The following HRNR variants were observed in gnomAD, a reference collection of about 807,000 sequenced individuals.
The protein encoded by HRNR is filaggrin family member 3.
A neutral mutation model predicts 4.8 loss-of-function variants in HRNR; 7 were observed. That is an observed-to-expected ratio of 1.47 (90% CI 0.83 to 2.75). The LOEUF (loss-of-function observed/expected upper bound fraction) is 2.75. Ranked by LOEUF, HRNR falls within the 30% of genes most tolerant of loss-of-function variation. The pLI is 0.00. For synonymous variants in HRNR, 1,023 were observed against 1,242.7 expected, an observed-to-expected ratio of 0.82 and a Z score of 3.72; for missense variants, 2,879 against 3,010.4, an observed-to-expected ratio of 0.96 and a Z score of 1.02.
Position 152,220,573 on chromosome 1 carries a change from C to T in HRNR, c.1056G>A (p.Glu352=), listed in dbSNP as rs114845154. The T allele has an allele frequency of 2.2e-3, 3,592 of 1,608,208 alleles. 81 individuals carry two copies. The African/African-American group carries it at 0.044, about 19-fold the overall frequency. ...AGCCAGAGGACTGTCCTGAGCCAGA[C>T]TCATGTTGCCCAAAGCCAGAAGTCT... ...SGQTSGFGQH[E]SGSGQSSGYS... Residue 352 remains glutamate, a synonymous_variant, in exon 3 of 3, where the codon GAG becomes GAA. Transcript: ENST00000368801.
chr1:152,219,047 G>A lies in HRNR; in HGVS notation c.2582C>T (p.Ser861Leu), dbSNP rs746240460. Residue 861 changes from serine to leucine, a missense_variant, in exon 3 of 3, where the codon TCA becomes TTA. Physicochemically the swap from Ser to Leu is moderately radical, Grantham distance 145. Coordinates refer to ENST00000368801, the MANE Select transcript of HRNR (RefSeq NM_001009931.3). ...CTGACCATAGCTGGAAGATTGACCT[G>A]AGCTAGAGTCATGTTGGCCGGAGCT... ...SSSSGQHDSSSGQSSSYGQHE... is the reference protein window; with the variant it reads ...SSSSGQHDSSLGQSSSYGQHE... The A allele has an allele frequency of 6.2e-7, 1 of 1,613,800 alleles. No individual in the cohort carries two copies. Among genetic ancestry groups the A allele is most frequent in the African/African-American group, 1.3e-5 (1 of 74,802 alleles).
Position 152,218,636 on chromosome 1 carries a change from T to G in HRNR, c.2993A>C (p.Gln998Pro). 4 of 1,611,632 alleles carry G rather than the reference T, an allele frequency of 2.5e-6. No homozygotes were observed. ...AGACTGGCCAGATCCAGACCCATGT[T>G]GGCCGTGGCCCAAAGACTGACGGGA... The part of the protein sequence containing the change: ...SGSRQSLGHG[Q>P]HGSGSGQSPS... Residue 998 changes from glutamine to proline, a missense_variant, in exon 3 of 3, where the codon CAA becomes CCA. By Grantham distance (76) the Gln-to-Pro change is moderately conservative. Around this residue, in one of 8 missense-constraint regions of HRNR, gnomAD observed 2,646 missense variants for 1,377.7 expected, o/e 1.92. Transcript: ENST00000368801.
At position 152,218,425 on chromosome 1, in the gene HRNR, A is replaced by C. The variant is rs1464335014; in HGVS notation, c.3204T>G (p.Ser1068=). The C allele has an allele frequency of 6.2e-7, 1 of 1,613,604 alleles. No individual in the cohort carries two copies. Among genetic ancestry groups the C allele is most frequent in the Admixed American group, 1.7e-5 (1 of 60,004 alleles). ...CATGGGTAGAGGAATGACCTGAGCT[A>C]GATCCATGTTGACCGTAGCCAGAGG... ...GQSSGYGQHG[S]SSGHSSTHGQ... is the part of the protein sequence containing the mutation. Residue 1068 remains serine (S), a synonymous_variant, in exon 3 of 3, where the codon TCT becomes TCG. Coordinates refer to ENST00000368801, the MANE Select transcript of HRNR (RefSeq NM_001009931.3).
In HRNR at chr1:152,220,073, T is replaced by G. The variant is rs12145941; in HGVS notation, c.1556A>C (p.Gln519Pro). 0.07 allele frequency: 112,279 copies of G among 1,613,748 alleles called. 4,658 individuals are homozygous for G. Among genetic ancestry groups the G allele is most frequent in the Middle Eastern group, 0.12 (748 of 6,060 alleles). ...SSAGSSSSYG[Q>P]HGSGSRQSLG... Reference sequence around the variant, plus strand: ...AGATTGACGGGAGCCAGACCCATGCTGACCATAGCTGGAAGATGAACCTGC... The same window carrying G: ...AGATTGACGGGAGCCAGACCCATGCGGACCATAGCTGGAAGATGAACCTGC... Residue 519 changes from glutamine to proline, a missense_variant, in exon 3 of 3, where the codon CAG becomes CCG. Gln to Pro is a moderately conservative substitution (Grantham distance 76, BLOSUM62 -1). Coordinates refer to ENST00000368801, the MANE Select transcript of HRNR (RefSeq NM_001009931.3).
rs1364035353 is a variant in HRNR, at chr1:152,219,262, G to A, written c.2367C>T (p.Ser789=). The A allele has an allele frequency of 1.2e-6, 2 of 1,613,134 alleles. No individual in the cohort carries two copies. Among genetic ancestry groups the A allele is most frequent in the Admixed American group, 3.3e-5 (2 of 59,976 alleles). The part of the protein sequence containing the change: ...VRHGSSSGHS[S]SHGQHGSGTS... ...TGCCAGACCCGTGTTGGCCGTGGCT[G>A]GAGGAGTGCCCTGAACTGGACCCAT... The change falls in exon 3 of 3, where the codon TCC becomes TCT. Residue 789 remains serine (S), a synonymous_variant. Transcript: ENST00000368801.
rs763843827 is a variant in HRNR, at chr1:152,219,221, C to G, written c.2408G>C (p.Ser803Thr). Reference protein sequence around the residue: ...QHGSGTSCSSSCGHYESGSGQ... With the variant: ...QHGSGTSCSSTCGHYESGSGQ... ...TGAGCCAGACTCATAATGGCCACAG[C>G]TGGAAGAACAACTTGTGCCAGACCC... is the stretch of plus-strand genomic sequence containing the variant. Residue 803 changes from serine (S) to threonine (T), a missense_variant, in exon 3 of 3, where the codon AGC (serine) becomes ACC (threonine). Ser to Thr is a moderately conservative substitution (Grantham distance 58). This residue lies in a region of HRNR where 2,646 missense variants were observed against 1,377.7 expected (regional missense o/e 1.92). Coordinates refer to ENST00000368801, the MANE Select transcript of HRNR (RefSeq NM_001009931.3). 2 of 1,613,896 alleles carry G rather than the reference C, an allele frequency of 1.2e-6. No homozygotes were observed. Among genetic ancestry groups the G allele is most frequent in the Non-Finnish European group, 1.7e-6 (2 of 1,179,920 alleles).
rs374474639 is a variant in HRNR at position 152,220,748 on chromosome 1, A to T, written c.881T>A (p.Leu294Ter). ...GQHGSGSRQS[L>*]GHGRQGSGSR... is the part of the protein sequence containing the mutation. ...TCCAGACCCTTGTCGGCCGTGGCCC[A>T]AAGACTGACGGGAACCAGACCCATG... is the stretch of plus-strand genomic sequence containing the variant. Residue 294 changes from leucine (L) to a stop codon, truncating the protein, a stop_gained, in exon 3 of 3, where the codon TTG becomes TAG. Transcript: ENST00000368801. LOFTEE classifies it low-confidence loss of function (END_TRUNC). 1.2e-6 allele frequency: 2 copies of T among 1,612,824 alleles called. No homozygotes were observed. The highest frequency in any genetic ancestry group is 2.7e-5 in the African/African-American group (2 of 74,442).
At position 152,219,993 on chromosome 1, in the gene HRNR, C is replaced by T. The variant is rs760397969; in HGVS notation, c.1636G>A (p.Gly546Ser). 5.0e-6 allele frequency: 8 copies of T among 1,612,476 alleles called. No individual in the cohort carries two copies. Among genetic ancestry groups the T allele is most frequent in the Non-Finnish European group, 5.1e-6 (6 of 1,179,652 alleles). Residue 546 changes from glycine (G) to serine (S), a missense_variant, in exon 3 of 3, where the codon GGC becomes AGC. Coordinates refer to ENST00000368801, the MANE Select transcript of HRNR (RefSeq NM_001009931.3). ...TGCCTGGAACCAGACTCATGTCGGC[C>T]ACGGCTAGGGCTAGGAGACTGGCCA... The part of the protein sequence containing the change: ...GSGQSPSPSR[G>S]RHESGSRQSS...
At chr1:152,222,724 C>T (rs531053425) in intron 2 of HRNR, among the ~76,000 whole-genome samples, 2 of 152,238 alleles carry the variant, frequency 1.3e-5, no homozygotes, top group South Asian at 2.1e-4. Context: ...TATAAGGTCC[C>T]AAATATCTAA....
In HRNR at chr1:152,218,801, C is replaced by T. The variant is rs772262908; in HGVS notation, c.2828G>A (p.Gly943Asp). 6.2e-6 allele frequency: 10 copies of T among 1,613,464 alleles called. No individual in the cohort carries two copies. The South Asian group carries it at 7.7e-5, about 12-fold the overall frequency. The change falls in exon 3 of 3, where the codon GGT (glycine) becomes GAT (aspartate). Residue 943 changes from glycine to aspartate, a missense_variant. Coordinates refer to ENST00000368801, the MANE Select transcript of HRNR (RefSeq NM_001009931.3). ...GHKSSSGQSS[G>D]YTQHGSGSGH... The stretch of plus-strand genomic sequence containing the variant: ...TGAGCCAGATCCATGCTGAGTGTAA[C>T]CAGAGGACTGCCCTGAGCTAGACTT...
chr1:152,220,307 T>C lies in HRNR; in HGVS notation c.1322A>G (p.Gln441Arg), dbSNP rs747860789. The change falls in exon 3 of 3, where the codon CAA (glutamine) becomes CGA (arginine). Residue 441 changes from glutamine (Q) to arginine (R), a missense_variant. Gln to Arg is a conservative substitution (Grantham distance 43, BLOSUM62 1). This residue lies in a region of HRNR where 2,646 missense variants were observed against 1,377.7 expected (regional missense o/e 1.92). Transcript: ENST00000368801. The stretch of plus-strand genomic sequence containing the variant: ...AGATCGACCAAAGCCAGTCCCATGT[T>C]GGCCGGAGCTGGGAGACTGCCCTGA... ...SGSGQSPSSG[Q>R]HGTGFGRSSS... 1.2e-6 allele frequency: 2 copies of C among 1,613,984 alleles called. No individual in the cohort carries two copies. Among genetic ancestry groups the C allele is most frequent in the South Asian group, 1.1e-5 (1 of 91,074 alleles).
At position 152,220,263 on chromosome 1, in the gene HRNR, C is replaced by G. The variant is rs1220232022; in HGVS notation, c.1366G>C (p.Val456Leu). The change falls in exon 3 of 3, where the codon GTG becomes CTG. Residue 456 changes from valine (V) to leucine (L), a missense_variant. This residue lies in a region of HRNR where 2,646 missense variants were observed against 1,377.7 expected (regional missense o/e 1.92). Coordinates refer to ENST00000368801, the MANE Select transcript of HRNR (RefSeq NM_001009931.3). ...FGRSSSSGPYVSGSGYSSGFG... is the reference protein window; with the variant it reads ...FGRSSSSGPYLSGSGYSSGFG... ...CCAGAAGAGTAGCCTGAACCAGACA[C>G]ATATGGGCCACTGCTGGAAGATCGA... The G allele has an allele frequency of 8.7e-6, 14 of 1,614,036 alleles. No homozygotes were observed. Among genetic ancestry groups the G allele is most frequent in the Non-Finnish European group, 1.1e-5 (13 of 1,179,994 alleles).
Position 152,212,830 on chromosome 1 carries a change from C to T in HRNR, c.*246G>A. 1.8e-6 allele frequency: 1 copy of T among 567,032 alleles called. No homozygotes were observed. The highest frequency in any genetic ancestry group is 3.0e-6 in the Non-Finnish European group (1 of 328,962). 35.1% of individuals were successfully genotyped at this position (567,032 alleles called of 1,614,324 possible). The stretch of plus-strand genomic sequence containing the variant: ...TCATTATTCCTCAAAGTTTAACCCT[C>T]ATTCTAACAAGTTATTCCACTCAGT... On this transcript the variant is annotated 3_prime_UTR_variant, in exon 3 of 3. Transcript: ENST00000368801.
Position 152,219,355 on chromosome 1 carries a change from G to T in HRNR, c.2274C>A (p.Gly758=). 1 of 1,613,962 alleles carries T rather than the reference G, an allele frequency of 6.2e-7. No homozygotes were observed. Among genetic ancestry groups the T allele is most frequent in the South Asian group, 1.1e-5 (1 of 91,070 alleles). Residue 758 remains glycine (G), a synonymous_variant, in exon 3 of 3, where the codon GGC becomes GGA. Transcript: ENST00000368801. ...GGCCGTGGCCCGAAGATTGATGGGA[G>T]CCCGACCCATGCTGACCATAGCTGG... ...LSSSYGQHGS[G]SHQSSGHGRQ...
rs1312893145 is a variant in HRNR, at chr1:152,221,346, G to A, written c.283C>T (p.Gln95Ter). 3.7e-6 allele frequency: 6 copies of A among 1,613,824 alleles called. No individual in the cohort carries two copies. Among genetic ancestry groups the A allele is most frequent in the Non-Finnish European group, 5.1e-6 (6 of 1,180,030 alleles). ...TCTCTCAGCTTTGACCCTGAAACTT[G>A]GCAGTAATCTTTGCCAATGATTTTA... is the stretch of plus-strand genomic sequence containing the variant. ...RNKIIGKDYCQVSGSKLRDDT... is the reference protein window; with the variant it reads ...RNKIIGKDYC Residue 95 changes from glutamine to a stop codon, truncating the protein, a stop_gained, in exon 3 of 3, where the codon CAA becomes TAA. Transcript: ENST00000368801. LOFTEE classifies it low-confidence loss of function (END_TRUNC).
At chr1:152,222,952 C>A (rs4845427) in intron 2 of HRNR, among the ~76,000 whole-genome samples, 164 bp downstream of exon 2, 16,648 of 152,224 alleles carry the variant, frequency 0.11, 1,216 homozygotes, top group South Asian at 0.21. Context: ...CTATGGAAAC[C>A]ATCACGGATC....
At chr1:152,223,664 A>G (rs1221037032) in intron 1 of HRNR, among the ~76,000 whole-genome samples, 7 of 152,202 alleles carry the variant, frequency 4.6e-5, no homozygotes, top group Admixed American at 4.6e-4. Context: ...CATCATCTAC[A>G]TGACATGCCT....
chr1:152,220,297 A>T lies in HRNR; in HGVS notation c.1332T>A (p.Thr444=), dbSNP rs1437467548. The change falls in exon 3 of 3, where the codon ACT becomes ACA. Residue 444 remains threonine, a synonymous_variant. Coordinates refer to ENST00000368801, the MANE Select transcript of HRNR (RefSeq NM_001009931.3). ...GQSPSSGQHG[T]GFGRSSSSGP... ...CACTGCTGGAAGATCGACCAAAGCC[A>T]GTCCCATGTTGGCCGGAGCTGGGAG... The T allele has an allele frequency of 6.2e-7, 1 of 1,613,978 alleles. No homozygotes were observed. The highest frequency in any genetic ancestry group is 2.2e-5 in the East Asian group (1 of 44,870).
chr1:152,218,624 C>A lies in HRNR; in HGVS notation c.3005G>T (p.Gly1002Val), dbSNP rs762808210. The change falls in exon 3 of 3, where the codon GGA becomes GTA. Residue 1002 changes from glycine (G) to valine (V), a missense_variant. Coordinates refer to ENST00000368801, the MANE Select transcript of HRNR (RefSeq NM_001009931.3). ...GCTAGGGCTAGGAGACTGGCCAGAT[C>A]CAGACCCATGTTGGCCGTGGCCCAA... ...QSLGHGQHGS[G>V]SGQSPSPSRG... is the part of the protein sequence containing the mutation. The A allele has an allele frequency of 2.5e-6, 4 of 1,613,734 alleles. No individual in the cohort carries two copies. Among genetic ancestry groups the A allele is most frequent in the South Asian group, 1.1e-5 (1 of 91,044 alleles).
Sources: gnomAD v4.1 joint callset for allele counts (sites outside exome capture counted in the v4.1 genomes callset) on GRCh38, gnomAD v4.1.1 for gene constraint, gnomAD v4.1.1 regional missense constraint, MANE v1.5 for transcripts, NCBI Gene and HGNC (gene_info 2026-07-23, HGNC 2026-07-21) for gene names.